The following CAMK1D variants were observed in gnomAD, a reference collection of about 807,000 sequenced individuals.
CAMK1D encodes the protein calcium/calmodulin dependent protein kinase ID.
In CAMK1D, 9 loss-of-function variants were observed where a neutral mutation model predicts 47.7. The observed-to-expected ratio is 0.19, with a 90% CI of 0.11 to 0.33. CAMK1D has a LOEUF of 0.33. Among genes scored for constraint, CAMK1D ranks in the 10% least tolerant of loss-of-function variants. The pLI is 1.00. For missense variants in CAMK1D, 291 were observed against 488.7 expected (o/e 0.60, Z 3.81); for synonymous variants, 184 against 184.9 (o/e 0.99, Z 0.04).
At chr10:12,439,627 G>T (rs191193153) in intron 1 of CAMK1D, among the ~76,000 whole-genome samples, 3 of 152,284 alleles carry the variant, frequency 2.0e-5, no homozygotes, top group African/African-American at 7.2e-5. Flanking sequence ...TCACTGTCCC[G>T]GGAATCCTGA....
chr10:12,732,572 A>T (rs1834937292), intron 3 of CAMK1D, among the ~76,000 whole-genome samples: 1 of 152,098 alleles, frequency 6.6e-6, no homozygotes, highest in South Asian at 2.1e-4. Flanking sequence ...AGGAGGCAAA[A>T]GTGGAAACCC....
chr10:12,765,944 GC>G (rs955956794), intron 4 of CAMK1D, among the ~76,000 whole-genome samples: 33 of 147,296 alleles, frequency 2.2e-4, no homozygotes, highest in Admixed American at 2.1e-3. Context: ...AAAGCTGGCT[GC>G]CCCCATCCTA....
intron 2 of CAMK1D, among the ~76,000 whole-genome samples, chr10:12,571,635 A>G (rs1435557046): frequency 6.6e-6 from 1 of 152,102 alleles, no homozygotes. Flanking sequence ...CTCGCTGCCT[A>G]TTCTGTTCCC....
chr10:12,639,685 A>T lies in CAMK1D; in HGVS notation c.225-27051A>T, dbSNP rs1588720208. On this transcript the variant is annotated intron_variant, in intron 2 of 10. Coordinates refer to ENST00000619168, the MANE Select transcript of CAMK1D (RefSeq NM_153498.4). ...CTAATGTTTATCTACTTTATAATTAACATTTTGTTTTTCGGTGTCTTTTAT... is the reference window on the plus strand; with the variant it reads ...CTAATGTTTATCTACTTTATAATTATCATTTTGTTTTTCGGTGTCTTTTAT... 2.6e-5 allele frequency among the ~76,000 whole-genome samples: 4 copies of T among 152,008 alleles called. No individual in the cohort carries two copies. The South Asian group carries it at 8.3e-4, about 32-fold the overall frequency.
At chr10:12,534,799 C>G (rs558384122) in intron 1 of CAMK1D, among the ~76,000 whole-genome samples, 3 of 152,150 alleles carry the variant, frequency 2.0e-5, no homozygotes, top group African/African-American at 7.2e-5. Context: ...ATCTTGTGGA[C>G]TGTCCTCCTC....
chr10:12,646,655 C>T (rs1191534973), intron 2 of CAMK1D, among the ~76,000 whole-genome samples: 4 of 152,008 alleles, frequency 2.6e-5, no homozygotes, highest in Non-Finnish European at 2.9e-5. Flanking sequence ...TGAAATGAAA[C>T]GTGATTAGCC....
chr10:12,483,442 C>G (rs891263077), intron 1 of CAMK1D, among the ~76,000 whole-genome samples: 1 of 152,302 alleles, frequency 6.6e-6, no homozygotes, highest in African/African-American at 2.4e-5. Flanking sequence ...CTCAAGCAAT[C>G]TGCCCGCCTT....
At chr10:12,821,797 A>G (rs1833021680) in intron 8 of CAMK1D, among the ~76,000 whole-genome samples, 1 of 152,148 alleles carries the variant, frequency 6.6e-6, no homozygotes, top group South Asian at 2.1e-4. Context: ...CAATATGGTG[A>G]AACCCCATCT....
chr10:12,665,493 A>G (rs1840401293), intron 2 of CAMK1D, among the ~76,000 whole-genome samples: 1 of 152,248 alleles, frequency 6.6e-6, no homozygotes, highest in Non-Finnish European at 1.5e-5. Context: ...TGTGCTAGGC[A>G]CCAGGAGCAA....
At chr10:12,471,572 G>A (rs1833747594) in intron 1 of CAMK1D, among the ~76,000 whole-genome samples, 1 of 152,212 alleles carries the variant, frequency 6.6e-6, no homozygotes, top group African/African-American at 2.4e-5. Context: ...GGGCCTTTCA[G>A]CTCATTCCTT....
intron 2 of CAMK1D, among the ~76,000 whole-genome samples, chr10:12,625,295 C>T (rs1386634326): frequency 7.4e-6 from 1 of 135,352 alleles, no homozygotes; most frequent in African/African-American, 2.9e-5. Context: ...GAGATCACAG[C>T]ATTGCACTCC....
intron 3 of CAMK1D, among the ~76,000 whole-genome samples, chr10:12,690,059 A>C (rs986686039): frequency 1.6e-4 from 24 of 152,222 alleles, no homozygotes; most frequent in East Asian, 7.7e-4. Flanking sequence ...CTGTGACCTG[A>C]GTACGGCCTC....
chr10:12,474,369 A>G (rs1010743983), intron 1 of CAMK1D, among the ~76,000 whole-genome samples: 1 of 151,510 alleles, frequency 6.6e-6, no homozygotes, highest in African/African-American at 2.4e-5. Flanking sequence ...TTTTTTATGT[A>G]TTTTTAGTAG....
intron 1 of CAMK1D, among the ~76,000 whole-genome samples, chr10:12,542,614 G>C (rs910483187): frequency 6.6e-6 from 1 of 152,150 alleles, no homozygotes; most frequent in Non-Finnish European, 1.5e-5. Context: ...AGTTCCATTC[G>C]ACTAAGAGTT....
At chr10:12,816,583 A>G (rs537288973) in intron 8 of CAMK1D, among the ~76,000 whole-genome samples, 10 of 152,108 alleles carry the variant, frequency 6.6e-5, no homozygotes, top group African/African-American at 2.2e-4. Flanking sequence ...ATAAAGACAT[A>G]CCAGAGGCCA....
At chr10:12,763,413 G>A (rs959590159) in intron 4 of CAMK1D, among the ~76,000 whole-genome samples, 2 of 152,160 alleles carry the variant, frequency 1.3e-5, no homozygotes, top group Admixed American at 6.6e-5. Context: ...AAAGCTATGC[G>A]ATGTCTTGTT....
intron 2 of CAMK1D, among the ~76,000 whole-genome samples, chr10:12,648,731 G>A (rs1169991154): frequency 3.3e-5 from 5 of 151,820 alleles, no homozygotes; most frequent in Admixed American, 6.6e-5. Flanking sequence ...TCAGCCTCCC[G>A]AAGTGCTGGG....
intron 1 of CAMK1D, among the ~76,000 whole-genome samples, chr10:12,447,738 C>G (rs1231928857): frequency 2.0e-5 from 3 of 152,212 alleles, no homozygotes. Flanking sequence ...TTTTGTAGTT[C>G]ACTGTAGTCT....
At chr10:12,827,802 T>A (rs2989498) in intron 10 of CAMK1D, among the ~76,000 whole-genome samples, 4 of 151,580 alleles carry the variant, frequency 2.6e-5, no homozygotes, top group Non-Finnish European at 5.9e-5. Context: ...AATCCTCCTG[T>A]CTCAGCCTTC....
Sources: gnomAD v4.1 joint callset for allele counts (sites outside exome capture counted in the v4.1 genomes callset) on GRCh38, gnomAD v4.1.1 for gene constraint, MANE v1.5 for transcripts, NCBI Gene and HGNC (gene_info 2026-07-23, HGNC 2026-07-21) for gene names.